Variants in HIVEP3 observed in about 807,000 individuals in gnomAD.
The protein encoded by HIVEP3 is HIVEP zinc finger 3.
Under a neutral mutation model 152.8 loss-of-function variants are expected in HIVEP3, and 49 were observed. The observed-to-expected ratio is 0.32, with a 90% CI of 0.26 to 0.41. The LOEUF (loss-of-function observed/expected upper bound fraction) is 0.41, where lower values mean the gene tolerates loss of function less well. HIVEP3 is among the 10% of genes least tolerant of loss of function. The pLI, the probability that HIVEP3 is intolerant of heterozygous loss-of-function variation, is 1.00. For missense variants in HIVEP3, 2,790 were observed against 3,103.3 expected (o/e 0.90, Z 2.40); for synonymous variants, 1,269 against 1,289.0 (o/e 0.98, Z 0.33).
chr1:41,590,139 G>T (rs1287240624), intron 3 of HIVEP3, among the ~76,000 whole-genome samples: 2 of 152,234 alleles, frequency 1.3e-5, no homozygotes, highest in Non-Finnish European at 2.9e-5. Context: ...GGCTCAGGTG[G>T]TGGCAAAACA....
chr1:41,786,601 C>T (rs968996518), intron 1 of HIVEP3, among the ~76,000 whole-genome samples: 4 of 152,202 alleles, frequency 2.6e-5, no homozygotes, highest in African/African-American at 4.8e-5. Context: ...AGCCCTACAG[C>T]GGCTGCATTA....
chr1:41,656,059 A>G (rs1645624595), intron 2 of HIVEP3, among the ~76,000 whole-genome samples: 2 of 152,178 alleles, frequency 1.3e-5, no homozygotes, highest in South Asian at 4.1e-4. Flanking sequence ...TTTTAATTTA[A>G]TTCAATGTCA....
intron 1 of HIVEP3, among the ~76,000 whole-genome samples, chr1:41,854,010 C>T (rs575926338): frequency 9.2e-5 from 14 of 152,260 alleles, no homozygotes; most frequent in African/African-American, 2.6e-4. Flanking sequence ...AGAAGCAGAG[C>T]GAAGACGTGG....
intron 1 of HIVEP3, among the ~76,000 whole-genome samples, chr1:41,758,958 T>G (rs534329621): frequency 5.3e-5 from 8 of 152,236 alleles, no homozygotes; most frequent in Non-Finnish European, 1.2e-4. Flanking sequence ...TACATAACAT[T>G]TGCCATTTTA....
At chr1:41,671,242 C>G (rs1354656578) in intron 2 of HIVEP3, among the ~76,000 whole-genome samples, 2 of 152,248 alleles carry the variant, frequency 1.3e-5, no homozygotes, top group Non-Finnish European at 2.9e-5. Context: ...CCAGCCTCGA[C>G]AGGGAGGCAG....
intron 1 of HIVEP3, among the ~76,000 whole-genome samples, chr1:42,016,605 G>A (rs969478195): frequency 6.6e-6 from 1 of 151,574 alleles, no homozygotes; most frequent in Non-Finnish European, 1.5e-5. Flanking sequence ...TAAATAGTTT[G>A]GTGTATATTT....
At chr1:41,702,765 G>C (rs1433941824) in intron 1 of HIVEP3, among the ~76,000 whole-genome samples, 1 of 152,186 alleles carries the variant, frequency 6.6e-6, no homozygotes, top group African/African-American at 2.4e-5. Context: ...ATTAATAAAT[G>C]ATTGCTAAAA....
In HIVEP3 at chr1:41,583,205, G is replaced by T. The variant is rs369367320; in HGVS notation, c.1593C>A (p.Thr531=). The T allele has an allele frequency of 6.2e-7, 1 of 1,610,488 alleles. No homozygotes were observed. The highest frequency in any genetic ancestry group is 1.1e-5 in the South Asian group (1 of 90,792). ...SLLSLQHPPS[T]APPVPLLRSH... ...TTCTCAGGAGAGGCACAGGGGGGGCGGTACTGGGCGGGTGCTGGAGGCTCA... is the reference window on the plus strand; with the variant it reads ...TTCTCAGGAGAGGCACAGGGGGGGCTGTACTGGGCGGGTGCTGGAGGCTCA... Residue 531 remains threonine (T), a synonymous_variant, in exon 4 of 9, where the codon ACC becomes ACA. Transcript: ENST00000372583. The surrounding 1 kb of genome is among the most constrained non-coding windows in gnomAD (Gnocchi z 6.9).
intron 3 of HIVEP3, among the ~76,000 whole-genome samples, chr1:41,603,556 C>T (rs1434361597): frequency 6.6e-6 from 1 of 152,080 alleles, no homozygotes; most frequent in Non-Finnish European, 1.5e-5. Flanking sequence ...AACGGGGTTT[C>T]ACCATGTTGG....
chr1:42,021,137 C>A (rs1645550879), intron 1 of HIVEP3, among the ~76,000 whole-genome samples: 1 of 152,122 alleles, frequency 6.6e-6, no homozygotes, highest in South Asian at 2.1e-4. Flanking sequence ...AAAGACTGTT[C>A]TAACGAATGT....
At chr1:41,909,995 C>T (rs1035565655) in intron 1 of HIVEP3, among the ~76,000 whole-genome samples, 1 of 151,338 alleles carries the variant, frequency 6.6e-6, no homozygotes, top group Non-Finnish European at 1.5e-5. Flanking sequence ...GGAAAAAAGC[C>T]TGAAAATTAA....
intron 1 of HIVEP3, among the ~76,000 whole-genome samples, chr1:41,718,898 G>A (rs990624212): frequency 3.3e-5 from 5 of 152,232 alleles, no homozygotes; most frequent in African/African-American, 9.6e-5. Flanking sequence ...GAACGAAGGC[G>A]CTAGTGGATT....
At chr1:41,912,636 T>C (rs958265005) in intron 1 of HIVEP3, among the ~76,000 whole-genome samples, 1 of 152,172 alleles carries the variant, frequency 6.6e-6, no homozygotes. Flanking sequence ...TCATAGTGGG[T>C]TTTTTTCTCA....
chr1:41,872,290 G>C (rs1010976833), intron 1 of HIVEP3, among the ~76,000 whole-genome samples: 8 of 152,234 alleles, frequency 5.3e-5, no homozygotes, highest in Non-Finnish European at 1.2e-4. Context: ...GTGAGGTACA[G>C]AGTGGCGGGA....
intron 2 of HIVEP3, among the ~76,000 whole-genome samples, chr1:41,640,146 T>C (rs867617241): frequency 1.3e-5 from 2 of 151,378 alleles, no homozygotes; most frequent in Middle Eastern, 3.4e-3. Flanking sequence ...GGAAGGGAGG[T>C]GTTGCTGGTG....
chr1:41,806,897 C>T (rs777139270), intron 1 of HIVEP3, among the ~76,000 whole-genome samples: 2 of 152,058 alleles, frequency 1.3e-5, no homozygotes, highest in Middle Eastern at 3.2e-3. Flanking sequence ...CCACCCCTTG[C>T]CCTCACCCCA....
intron 1 of HIVEP3, among the ~76,000 whole-genome samples, chr1:41,737,536 T>C (rs149850050): frequency 6.2e-4 from 94 of 152,310 alleles, no homozygotes; most frequent in African/African-American, 2.1e-3. Flanking sequence ...CCATGGCCCA[T>C]TGAATCATCT....
intron 1 of HIVEP3, among the ~76,000 whole-genome samples, chr1:41,835,729 T>G (rs751797087): frequency 1.3e-5 from 2 of 152,202 alleles, no homozygotes; most frequent in African/African-American, 2.4e-5. Context: ...CCTGGGATGA[T>G]TCTGATTCAG....
intron 5 of HIVEP3, among the ~76,000 whole-genome samples, chr1:41,546,681 G>A (rs879888535): frequency 1.3e-5 from 2 of 152,224 alleles, no homozygotes; most frequent in Non-Finnish European, 2.9e-5. Flanking sequence ...CAGGGCTGAT[G>A]TAACTGGGTG....
Sources: allele counts gnomAD v4.1 joint callset (sites outside exome capture counted in the v4.1 genomes callset), GRCh38; gene constraint gnomAD v4.1.1; non-coding constraint Gnocchi (gnomAD v3.1); transcripts MANE v1.5; gene names NCBI Gene and HGNC (gene_info 2026-07-23, HGNC 2026-07-21).